Variants in C1QBP observed in about 807,000 individuals in gnomAD.
The protein encoded by C1QBP is complement component 1 Q subcomponent-binding protein, mitochondrial.
A neutral mutation model predicts 29.4 loss-of-function variants in C1QBP; 24 were observed. The observed-to-expected ratio is 0.82, with a 90% CI of 0.59 to 1.15. The LOEUF (loss-of-function observed/expected upper bound fraction) is 1.15, where lower values mean the gene tolerates loss of function less well. C1QBP is among the 50% of genes most tolerant of loss of function. The probability of loss-of-function intolerance (pLI) is 0.00; values close to 1 mark genes in which losing one functional copy is unlikely to be tolerated. For missense variants in C1QBP, 337 were observed against 355.8 expected (o/e 0.95, Z 0.43); for synonymous variants, 182 against 149.2 (o/e 1.22, Z -1.60).
rs565248995 is a variant in C1QBP, at chr17:5,432,990, C to A, written c.*25G>T. On this transcript the variant is annotated 3_prime_UTR_variant, in exon 6 of 6. Coordinates refer to ENST00000225698, the MANE Select transcript of C1QBP (RefSeq NM_001212.4). ...TCACTGGCCAAAGCCTGCCATGAAACTATGGCTTTCAGCATCTGTCTGCTC... is the reference window on the plus strand; with the variant it reads ...TCACTGGCCAAAGCCTGCCATGAAAATATGGCTTTCAGCATCTGTCTGCTC... The A allele has an allele frequency of 9.4e-6, 15 of 1,599,730 alleles. No homozygotes were observed. The Admixed American group carries it at 2.5e-4, about 26-fold the overall frequency.
At position 5,433,744 on chromosome 17, in the gene C1QBP, A is replaced by G. The variant is rs1361556222; in HGVS notation, c.501T>C (p.Asn167=). ...CATTCTTTATAACTTCAACCACGAA[A>G]TTGGGAGTTGATGTCAGTTCAGGCT... ...EQEPELTSTP[N]FVVEVIKNDD... The change falls in exon 4 of 6, where the codon AAT becomes AAC. Residue 167 remains asparagine, a synonymous_variant. Coordinates refer to ENST00000225698, the MANE Select transcript of C1QBP (RefSeq NM_001212.4). 1 of 1,614,218 alleles carries G rather than the reference A, an allele frequency of 6.2e-7. No individual in the cohort carries two copies. Among genetic ancestry groups the G allele is most frequent in the Admixed American group, 1.7e-5 (1 of 60,028 alleles).
At chr17:5,433,844 G>A in intron 3 of C1QBP, 77 bp from the exon 4 acceptor site, 2 of 1,216,920 alleles carry the variant, frequency 1.6e-6, no homozygotes, top group African/African-American at 1.5e-5. Flanking sequence ...TGTTCAGAGT[G>A]TCTGATGGCC....
rs555661652 is a variant in C1QBP, at chr17:5,436,256, G to A, written c.384-1290C>T. ...CATTATTTTTAATGGCCCCCAAATA[G>A]CTATGAAAACCTTGCGCAAATGGTG... On this transcript the variant is annotated intron_variant, in intron 2 of 5. Coordinates refer to ENST00000225698, the MANE Select transcript of C1QBP (RefSeq NM_001212.4). 2.0e-5 allele frequency among the ~76,000 whole-genome samples: 3 copies of A among 151,114 alleles called. No individual in the cohort carries two copies. The South Asian group carries it at 6.2e-4, about 31-fold the overall frequency.
chr17:5,438,652 C>A, intron 1 of C1QBP, 190 bp downstream of exon 1: 1 of 1,227,036 alleles, frequency 8.1e-7, no homozygotes, highest in Non-Finnish European at 1.1e-6. Flanking sequence ...TTATTCACCC[C>A]CTACCAAAAG....
chr17:5,438,526 C>T, intron 1 of C1QBP: 2 of 693,120 alleles, frequency 2.9e-6, no homozygotes, highest in Admixed American at 3.1e-5. Context: ...ATTTCCAATC[C>T]TCTTCCACTT....
intron 1 of C1QBP, 130 bp from the exon 2 acceptor site, chr17:5,438,403 C>T: frequency 2.0e-5 from 23 of 1,169,318 alleles, no homozygotes; most frequent in Non-Finnish European, 2.7e-5. Context: ...ACTCTAGAAG[C>T]CTGTTTCCTT....
At chr17:5,438,409 T>C in intron 1 of C1QBP, 136 bp from the exon 2 acceptor site, 6 of 1,131,230 alleles carry the variant, frequency 5.3e-6, no homozygotes, top group Non-Finnish European at 6.1e-6. Context: ...GAAGCCTGTT[T>C]CCTTATCGGT....
Position 5,439,047 on chromosome 17 carries a change from G to C in C1QBP, c.27C>G (p.Pro9=), listed in dbSNP as rs1312010462. The change falls in exon 1 of 6, where the codon CCC becomes CCG. Residue 9 remains proline, a synonymous_variant. Coordinates refer to ENST00000225698, the MANE Select transcript of C1QBP (RefSeq NM_001212.4). MLPLLRCV[P]RVLGSSVAGL... is the part of the protein sequence containing the mutation. ...CGGCGACGGAGGAGCCCAGCACACG[G>C]GGCACGCAGCGCAGCAGAGGCAGCA... The C allele has an allele frequency of 6.5e-7, 1 of 1,530,274 alleles. No individual in the cohort carries two copies. Among genetic ancestry groups the C allele is most frequent in the Non-Finnish European group, 8.8e-7 (1 of 1,139,162 alleles). 94.8% of individuals were successfully genotyped at this position (1,530,274 alleles called of 1,614,324 possible).
Position 5,438,902 on chromosome 17 carries a change from G to A in C1QBP, c.172C>T (p.Leu58Phe), listed in dbSNP as rs1466757625. 1.4e-5 allele frequency: 21 copies of A among 1,540,026 alleles called. No individual in the cohort carries two copies. The highest frequency in any genetic ancestry group is 1.8e-5 in the Non-Finnish European group (21 of 1,143,042). ...GCGCAGGGTCCGCGAGGCCGCAGGAGGCCCGGCCGCCGCTCGGAACCTGCG... is the reference window on the plus strand; with the variant it reads ...GCGCAGGGTCCGCGAGGCCGCAGGAAGCCCGGCCGCCGCTCGGAACCTGCG... Reference protein sequence around the residue: ...VRAGSERRPGLLRPRGPCACG... With the variant: ...VRAGSERRPGFLRPRGPCACG... Residue 58 changes from leucine (L) to phenylalanine (F), a missense_variant, in exon 1 of 6, where the codon CTC becomes TTC. Coordinates refer to ENST00000225698, the MANE Select transcript of C1QBP (RefSeq NM_001212.4).
intron 4 of C1QBP, 118 bp from the exon 5 acceptor site, chr17:5,433,533 C>T: frequency 6.6e-7 from 1 of 1,512,458 alleles, no homozygotes; most frequent in South Asian, 1.1e-5. Context: ...TTCCCTCACT[C>T]CCCACCTCTC....
intron 2 of C1QBP, among the ~76,000 whole-genome samples, chr17:5,435,926 A>G (rs1465331466): frequency 1.3e-5 from 2 of 149,350 alleles, no homozygotes; most frequent in Non-Finnish European, 3.0e-5. Flanking sequence ...CGCGCCTGTA[A>G]TCCCAGCTAC....
At position 5,438,836 on chromosome 17, in the gene C1QBP, C is replaced by T. The variant is rs1375477779; in HGVS notation, c.232+6G>A. The T allele has an allele frequency of 1.9e-6, 3 of 1,547,358 alleles. No homozygotes were observed. The highest frequency in any genetic ancestry group is 3.9e-5 in the Admixed American group (2 of 50,972). On this transcript the variant is annotated splice_donor_region_variant and intron_variant, in intron 1 of 5. Transcript: ENST00000225698. ...CAAACCACACCCCCGGCCCGCTAAA[C>T]CTCACCGTCGGTGTGCAGCGAGCCG... is the stretch of plus-strand genomic sequence containing the variant.
chr17:5,434,464 CT>C (rs576803401), intron 3 of C1QBP, among the ~76,000 whole-genome samples: 5,013 of 97,726 alleles, frequency 0.051, 67 homozygotes, highest in African/African-American at 0.097. Flanking sequence ...TTCTCTCTCT[CT>C]TTTTTTTTTT....
rs959371564 is a variant in C1QBP at position 5,433,424 on chromosome 17, AAAC to A, written c.577-12_577-10del. On this transcript the variant is annotated splice_polypyrimidine_tract_variant and intron_variant, in intron 4 of 5. Transcript: ENST00000225698. ...TCGTCTTCTTGTCCAACCTGAGAAGAAACAATATTGGGAAACTGAAGGGTTCTC... is the reference window on the plus strand; with the variant it reads ...TCGTCTTCTTGTCCAACCTGAGAAGAAATATTGGGAAACTGAAGGGTTCTC... 6.2e-7 allele frequency: 1 copy of A among 1,614,014 alleles called. No homozygotes were observed. Among genetic ancestry groups the A allele is most frequent in the African/African-American group, 1.3e-5 (1 of 74,904 alleles).
At chr17:5,435,021 CG>C in intron 2 of C1QBP, 55 bp from the exon 3 acceptor site, 2 of 1,458,034 alleles carry the variant, frequency 1.4e-6, no homozygotes, top group Non-Finnish European at 9.6e-7. Context: ...TGGTTTTAAC[CG>C]AGCAGGTTAA....
At chr17:5,434,996 AAAACAGACAAG>A (rs1916233018) in intron 2 of C1QBP, 30 bp from the exon 3 acceptor site, 1 of 1,506,676 alleles carries the variant, frequency 6.6e-7, no homozygotes, top group African/African-American at 1.6e-5. Flanking sequence ...CAGACAAGGC[AAAACAGACAAG>A]GCATGGTTTT....
intron 4 of C1QBP, 97 bp downstream of exon 4, chr17:5,433,572 A>G: frequency 1.3e-6 from 2 of 1,533,960 alleles, no homozygotes; most frequent in Non-Finnish European, 1.8e-6. Flanking sequence ...CTAAGCTAGA[A>G]AAGTGTTTAA....
Position 5,438,919 on chromosome 17 carries a change from G to A in C1QBP, c.155C>T (p.Ser52Phe). The change falls in exon 1 of 6, where the codon TCC becomes TTC. Residue 52 changes from serine (S) to phenylalanine (F), a missense_variant. Coordinates refer to ENST00000225698, the MANE Select transcript of C1QBP (RefSeq NM_001212.4). Reference sequence around the variant, plus strand: ...CCGCAGGAGGCCCGGCCGCCGCTCGGAACCTGCGCGCACGCTGAGCAGCCC... The same window carrying A: ...CCGCAGGAGGCCCGGCCGCCGCTCGAAACCTGCGCGCACGCTGAGCAGCCC... ...PFGLLSVRAG[S>F]ERRPGLLRPR... The A allele has an allele frequency of 1.3e-6, 2 of 1,537,532 alleles. No homozygotes were observed. Among genetic ancestry groups the A allele is most frequent in the Non-Finnish European group, 1.8e-6 (2 of 1,141,910 alleles).
intron 1 of C1QBP, 132 bp from the exon 2 acceptor site, chr17:5,438,405 T>C: frequency 3.5e-6 from 4 of 1,151,212 alleles, no homozygotes; most frequent in Non-Finnish European, 4.8e-6. Context: ...TCTAGAAGCC[T>C]GTTTCCTTAT....
Sources: gnomAD v4.1 joint callset for allele counts (sites outside exome capture counted in the v4.1 genomes callset) on GRCh38, gnomAD v4.1.1 for gene constraint, MANE v1.5 for transcripts, NCBI Gene and HGNC (gene_info 2026-07-23, HGNC 2026-07-21) for gene names.